PRODH2: variants seen among roughly 807,000 people sequenced by gnomAD.
PRODH2 encodes the protein proline dehydrogenase 2.
Under a neutral mutation model 51.9 loss-of-function variants are expected in PRODH2, and 49 were observed. That is an observed-to-expected ratio of 0.94 (90% CI 0.75 to 1.20). PRODH2 has a LOEUF of 1.20. Ranked by LOEUF, PRODH2 falls within the 50% of genes most tolerant of loss-of-function variation. PRODH2 has a pLI of 0.00. For missense variants in PRODH2, 597 were observed against 610.9 expected, an observed-to-expected ratio of 0.98 and a Z score of 0.24; for synonymous variants, 249 against 260.7, an observed-to-expected ratio of 0.96 and a Z score of 0.43.
chr19:35,807,373 G>T (rs1289362378), intron 4 of PRODH2, among the ~76,000 whole-genome samples: 1 of 152,080 alleles, frequency 6.6e-6, no homozygotes, highest in Non-Finnish European at 1.5e-5. Flanking sequence ...CATGATCTCA[G>T]CTCACTGCAA....
chr19:35,806,251 AT>A (rs767184825), intron 7 of PRODH2, among the ~76,000 whole-genome samples, 178 bp downstream of exon 7: 6 of 151,914 alleles, frequency 3.9e-5, no homozygotes, highest in Non-Finnish European at 7.4e-5. Flanking sequence ...ACACCTGACT[AT>A]TTTTAAAATT....
chr19:35,805,588 T>A (rs1160354608), intron 7 of PRODH2, among the ~76,000 whole-genome samples: 1 of 151,348 alleles, frequency 6.6e-6, no homozygotes, highest in Non-Finnish European at 1.5e-5. Flanking sequence ...TGTTTAATGT[T>A]TTTTACAGAT....
Position 35,812,782 on chromosome 19 carries a change from G to A in PRODH2, c.24C>T (p.Leu8=). Residue 8 remains leucine, a synonymous_variant, in exon 1 of 10, where the codon CTC becomes CTT. Coordinates refer to ENST00000653904, the MANE Select transcript of PRODH2 (RefSeq NM_021232.2). ...TGGAGGGGGGACCAGCTTGGGAACA[G>A]AGCACGTAACAGGTCCGGAGCATCC... MLRTCYV[L]CSQAGPPSRG... The A allele has an allele frequency of 6.2e-7, 1 of 1,604,442 alleles. No individual in the cohort carries two copies. The highest frequency in any genetic ancestry group is 2.2e-5 in the East Asian group (1 of 44,744).
At position 35,802,950 on chromosome 19, in the gene PRODH2, C is replaced by T. The variant is rs1221147252; in HGVS notation, c.1112+18G>A. The T allele has an allele frequency of 4.0e-6, 6 of 1,508,158 alleles. No homozygotes were observed. Among genetic ancestry groups the T allele is most frequent in the Non-Finnish European group, 4.5e-6 (5 of 1,112,504 alleles). 93.4% of individuals were successfully genotyped at this position (1,508,158 alleles called of 1,614,324 possible). A position where few individuals can be genotyped will look rare whatever the true frequency, so the allele number is the denominator to read the frequency against. On this transcript the variant is annotated intron_variant, in intron 8 of 9. Coordinates refer to ENST00000653904, the MANE Select transcript of PRODH2 (RefSeq NM_021232.2). The stretch of plus-strand genomic sequence containing the variant: ...CTTTTGTGGGCACCTATTTCCCGCC[C>T]ATCCCTCCACCTCATACCGCTTGGT...
At chr19:35,802,151 G>A (rs1465189686) in intron 9 of PRODH2, 40 bp downstream of exon 9, 7 of 1,583,430 alleles carry the variant, frequency 4.4e-6, no homozygotes, top group Non-Finnish European at 5.2e-6. Context: ...GAGGGAGTAA[G>A]GCCTGGGGCT....
chr19:35,812,688 CCCGTGTCAGCTCT>C lies in PRODH2; in HGVS notation c.105_117del (p.Glu36ProfsTer54). On this transcript the variant is annotated frameshift_variant, in exon 1 of 10. Transcript: ENST00000653904. LOFTEE classifies it high-confidence loss of function. ...GCACACAGCCGGAGAACCAGCAAGG[CCCGTGTCAGCTCT>C]CCTGTGCCCTTAAGGTGGAAGGCCC... 1 of 1,607,708 alleles carries C rather than the reference CCCGTGTCAGCTCT, an allele frequency of 6.2e-7. No homozygotes were observed. Among genetic ancestry groups the C allele is most frequent in the South Asian group, 1.1e-5 (1 of 90,428 alleles).
At position 35,800,090 on chromosome 19, in the gene PRODH2, C is replaced by G; in HGVS notation, c.1331G>C (p.Ser444Thr). Residue 444 changes from serine to threonine, a missense_variant, in exon 10 of 10, where the codon AGC (serine) becomes ACC (threonine). By Grantham distance (58) the Ser-to-Thr change is moderately conservative. Transcript: ENST00000653904. ...CAGCAGCCGCCGCCACAGTTCTTGG[C>G]TGAGCAGCTCCTGTTCCCTGCGGGC... is the stretch of plus-strand genomic sequence containing the variant. ...QGARREQELL[S>T]QELWRRLLPG... The G allele has an allele frequency of 6.2e-7, 1 of 1,612,158 alleles. No homozygotes were observed. The highest frequency in any genetic ancestry group is 8.5e-7 in the Non-Finnish European group (1 of 1,179,264).
At position 35,812,838 on chromosome 19, in the gene PRODH2, G is replaced by T. The variant is rs150593630; in HGVS notation, c.-33C>A. 131 of 1,547,886 alleles carry T rather than the reference G, an allele frequency of 8.5e-5. No homozygotes were observed. In the African/African-American group the frequency reaches 1.5e-3, roughly 18 times the overall value. ...CCCTGGCTGCCTCCACACCAGGGAA[G>T]GTTCTCTGGAGGCAGCAAGTTCACC... On this transcript the variant is annotated 5_prime_UTR_variant, in exon 1 of 10. Coordinates refer to ENST00000653904, the MANE Select transcript of PRODH2 (RefSeq NM_021232.2).
Position 35,807,102 on chromosome 19 carries a change from A to G in PRODH2, c.617T>C (p.Leu206Pro). 6.4e-7 allele frequency: 1 copy of G among 1,552,482 alleles called. No individual in the cohort carries two copies. Among genetic ancestry groups the G allele is most frequent in the Non-Finnish European group, 8.7e-7 (1 of 1,147,326 alleles). The change falls in exon 5 of 10, where the codon CTC becomes CCC. Residue 206 changes from leucine to proline, a missense_variant. Physicochemically the swap from Leu to Pro is moderately conservative, Grantham distance 98. Coordinates refer to ENST00000653904, the MANE Select transcript of PRODH2 (RefSeq NM_021232.2). ...DSGQNLQVSC[L>P]NAEQNQHLRA... ...GAGGTGCTGGTTCTGCTCAGCATTGAGGCAGGAGACCTGGAGGTTCTAGGG... is the reference window on the plus strand; with the variant it reads ...GAGGTGCTGGTTCTGCTCAGCATTGGGGCAGGAGACCTGGAGGTTCTAGGG...
rs546445875 is a variant in PRODH2 at position 35,803,259 on chromosome 19, T to G, written c.1002-181A>C. On this transcript the variant is annotated intron_variant, in intron 7 of 9. Coordinates refer to ENST00000653904, the MANE Select transcript of PRODH2 (RefSeq NM_021232.2). ...CATCTTCTGGGGTTTTTTGGGGGTT[T>G]TGTTTGTTTGTTTTTGAGATGGAGT... Among the ~76,000 whole-genome samples, 64 of 152,132 alleles carry G rather than the reference T, an allele frequency of 4.2e-4. 1 individual carries two copies. The highest frequency in any genetic ancestry group is 1.4e-3 in the African/African-American group (58 of 41,492).
chr19:35,811,552 A>G lies in PRODH2; in HGVS notation c.597+410T>C, dbSNP rs112515914. The stretch of plus-strand genomic sequence containing the variant: ...AAGAGGAAGGAAGGAGAGAGAGAGA[A>G]AGAAAGAAAAAAAGATGGAGTAGGG... On this transcript the variant is annotated intron_variant, in intron 4 of 9. Transcript: ENST00000653904. Among the ~76,000 whole-genome samples, 76 of 143,716 alleles carry G rather than the reference A, an allele frequency of 5.3e-4. No individual in the cohort carries two copies. In the Middle Eastern group the frequency reaches 0.01, roughly 20 times the overall value. 94.3% of individuals were successfully genotyped at this position (143,716 alleles called of 152,430 possible). A position where few individuals can be genotyped will look rare whatever the true frequency, so the allele number is the denominator to read the frequency against.
intron 4 of PRODH2, among the ~76,000 whole-genome samples, chr19:35,811,457 A>AAGGGAGAGAGGGAGGG (rs1972608443): frequency 1.1e-5 from 1 of 93,130 alleles, no homozygotes; most frequent in African/African-American, 5.2e-5. Context: ...GGAAGGAAGG[A>AAGGGAGAGAGGGAGGG]AGGGAGGGAG....
At chr19:35,804,177 C>T (rs912770377) in intron 7 of PRODH2, among the ~76,000 whole-genome samples, 3 of 152,150 alleles carry the variant, frequency 2.0e-5, no homozygotes, top group Non-Finnish European at 2.9e-5. Flanking sequence ...TGACTTTGCC[C>T]ACACTTCCTT....
intron 4 of PRODH2, among the ~76,000 whole-genome samples, chr19:35,808,802 T>G (rs1972553957): frequency 3.1e-5 from 4 of 130,722 alleles, no homozygotes; most frequent in Admixed American, 8.0e-5. Context: ...CCTCCCTTCC[T>G]TCCTTCCTTC....
Position 35,806,821 on chromosome 19 carries a change from C to T in PRODH2, c.688G>A (p.Ala230Thr). ...TCCACCAGGAGCCGCACGTGCTGGGCCCGGGCATACTGATGGCGACAGAGA... is the reference window on the plus strand; with the variant it reads ...TCCACCAGGAGCCGCACGTGCTGGGTCCGGGCATACTGATGGCGACAGAGA... ...RLHRVAQYAR[A>T]QHVRLLVDAE... The change falls in exon 6 of 10, where the codon GCC becomes ACC. Residue 230 changes from alanine to threonine, a missense_variant. Transcript: ENST00000653904. The T allele has an allele frequency of 1.9e-6, 3 of 1,604,804 alleles. No homozygotes were observed. Among genetic ancestry groups the T allele is most frequent in the Non-Finnish European group, 1.7e-6 (2 of 1,175,870 alleles).
intron 4 of PRODH2, among the ~76,000 whole-genome samples, 151 bp downstream of exon 4, chr19:35,811,793 GATGACCCTGATTCCATCC>G (rs1972614767): frequency 6.6e-6 from 1 of 152,164 alleles, no homozygotes; most frequent in South Asian, 2.1e-4. Context: ...TGAGAACCCA[GATGACCCTGATTCCATCC>G]ATTTCAACCA....
At chr19:35,802,458 C>T (rs1175054172) in intron 8 of PRODH2, 182 bp from the exon 9 acceptor site, 5 of 641,384 alleles carry the variant, frequency 7.8e-6, no homozygotes, top group Non-Finnish European at 1.4e-5. Context: ...CAGCCAGTTC[C>T]CTGGAGCCCT....
chr19:35,800,351 C>T (rs942547912), intron 9 of PRODH2, 129 bp from the exon 10 acceptor site: 10 of 802,544 alleles, frequency 1.2e-5, no homozygotes, highest in African/African-American at 3.6e-5. Flanking sequence ...CAGGTTCAAG[C>T]GATTCTCATG....
intron 3 of PRODH2, 42 bp downstream of exon 3, chr19:35,812,092 G>A (rs1972620129): frequency 6.2e-7 from 1 of 1,613,600 alleles, no homozygotes; most frequent in Non-Finnish European, 8.5e-7. Context: ...AGCCCGATGG[G>A]CAGCCGCGCC....
Sources: allele counts gnomAD v4.1 joint callset (sites outside exome capture counted in the v4.1 genomes callset), GRCh38; gene constraint gnomAD v4.1.1; transcripts MANE v1.5; gene names NCBI Gene and HGNC (gene_info 2026-07-23, HGNC 2026-07-21).